The following TJP1 variants were observed in gnomAD, a reference collection of about 807,000 sequenced individuals.
The protein encoded by TJP1 is tight junction protein ZO-1.
TJP1 carries 43 observed loss-of-function variants against 194.2 expected under a neutral mutation model. That is an observed-to-expected ratio of 0.22 (90% CI 0.17 to 0.29). TJP1 has a LOEUF of 0.29. Ranked by LOEUF, TJP1 falls within the 10% of genes least tolerant of loss-of-function variation. TJP1 has a pLI of 1.00. For synonymous variants in TJP1, 801 were observed against 779.0 expected (o/e 1.03, Z -0.47); for missense variants, 1,971 against 2,185.7 (o/e 0.90, Z 1.96).
intron 2 of TJP1, among the ~76,000 whole-genome samples, chr15:29,845,311 T>G (rs1488205139): frequency 1.3e-5 from 2 of 152,100 alleles, no homozygotes; most frequent in Non-Finnish European, 2.9e-5. Flanking sequence ...CTGGGATTAA[T>G]TCAAAGATGG....
intron 2 of TJP1, among the ~76,000 whole-genome samples, chr15:29,835,826 G>A (rs2051006785): frequency 6.6e-6 from 1 of 151,796 alleles, no homozygotes; most frequent in Non-Finnish European, 1.5e-5. Flanking sequence ...CATACTTTTC[G>A]GTCACATATT....
chr15:29,964,327 C>T (rs941548382), intron 1 of TJP1, among the ~76,000 whole-genome samples: 1 of 152,060 alleles, frequency 6.6e-6, no homozygotes, highest in Non-Finnish European at 1.5e-5. Context: ...CATATGTATA[C>T]ATCATATTAT....
intron 4 of TJP1, among the ~76,000 whole-genome samples, chr15:29,769,378 C>T (rs1426620488): frequency 1.3e-5 from 2 of 152,196 alleles, no homozygotes; most frequent in Admixed American, 1.3e-4. Flanking sequence ...GAAGGACAAA[C>T]TGGCAATACA....
intron 8 of TJP1, among the ~76,000 whole-genome samples, chr15:29,749,194 T>C (rs2045068905): frequency 6.6e-6 from 1 of 151,548 alleles, no homozygotes; most frequent in African/African-American, 2.4e-5. Flanking sequence ...CTAAAGGTAA[T>C]GACCTTGTTA....
At chr15:29,919,383 A>G (rs564263918) in intron 2 of TJP1, among the ~76,000 whole-genome samples, 2 of 152,304 alleles carry the variant, frequency 1.3e-5, no homozygotes, top group South Asian at 2.1e-4. Flanking sequence ...TGATTGATTC[A>G]TGCAGTCATA....
intron 2 of TJP1, among the ~76,000 whole-genome samples, chr15:29,778,643 C>A (rs2047165119): frequency 6.6e-6 from 1 of 152,132 alleles, no homozygotes; most frequent in Non-Finnish European, 1.5e-5. Context: ...AACTTGCTTC[C>A]CAGCACCCCA....
intron 25 of TJP1, 77 bp from the exon 26 acceptor site, chr15:29,705,822 G>C: frequency 7.9e-7 from 1 of 1,258,046 alleles, no homozygotes; most frequent in Non-Finnish European, 1.1e-6. Context: ...ACTGTATTAC[G>C]TGCTTTCACT....
chr15:29,810,725 T>C (rs1460526105), intron 1 of TJP1, among the ~76,000 whole-genome samples: 1 of 152,162 alleles, frequency 6.6e-6, no homozygotes, highest in Non-Finnish European at 1.5e-5. Context: ...ACCTAGTTTC[T>C]GGGCTCTGGG....
At chr15:29,886,472 AG>A (rs11340413) in intron 2 of TJP1, among the ~76,000 whole-genome samples, 2,169 of 152,046 alleles carry the variant, frequency 0.014, 47 homozygotes, top group African/African-American at 0.05. Context: ...GGGTCCCTGT[AG>A]TCACAGTTAC....
chr15:29,921,867 G>A (rs1596262073), intron 2 of TJP1, among the ~76,000 whole-genome samples: 1 of 144,910 alleles, frequency 6.9e-6, no homozygotes, highest in South Asian at 2.2e-4. Flanking sequence ...TCTCCATGAC[G>A]GAGTTTTGCT....
chr15:29,896,701 T>C (rs889253378), intron 2 of TJP1, among the ~76,000 whole-genome samples: 1 of 152,188 alleles, frequency 6.6e-6, no homozygotes, highest in Non-Finnish European at 1.5e-5. Flanking sequence ...AGGTCCAGGC[T>C]GAAGTGGTCT....
At chr15:29,827,731 T>A (rs1418020380) in intron 2 of TJP1, among the ~76,000 whole-genome samples, 1 of 152,204 alleles carries the variant, frequency 6.6e-6, no homozygotes, top group African/African-American at 2.4e-5. Flanking sequence ...CAAGTCAGGA[T>A]GGAAACCCTG....
intron 1 of TJP1, among the ~76,000 whole-genome samples, chr15:29,812,787 A>G (rs911483651): frequency 1.3e-5 from 2 of 152,324 alleles, no homozygotes; most frequent in South Asian, 2.1e-4. Context: ...AATGCACATA[A>G]AACACTTAGC....
intron 2 of TJP1, among the ~76,000 whole-genome samples, chr15:29,873,066 T>C (rs1467113328): frequency 2.0e-5 from 3 of 152,148 alleles, no homozygotes; most frequent in South Asian, 2.1e-4. Context: ...GCAGGATGAA[T>C]GGGATTTCAC....
intron 2 of TJP1, among the ~76,000 whole-genome samples, chr15:29,890,787 T>TCTACATCTA (rs2053279251): frequency 6.9e-6 from 1 of 145,330 alleles, no homozygotes; most frequent in Admixed American, 6.9e-5. Context: ...TTTCACTACA[T>TCTACATCTA]CTACATCTAC....
chr15:29,922,060 C>T (rs1719345), intron 2 of TJP1, among the ~76,000 whole-genome samples: 1 of 151,878 alleles, frequency 6.6e-6, no homozygotes, highest in Non-Finnish European at 1.5e-5. Context: ...TTGATCAGGC[C>T]GGTCTCAAAC....
rs2152003695 is a variant in TJP1, at chr15:29,820,387, A to G, written c.27+1615T>C. 6.4e-6 allele frequency: 4 copies of G among 621,736 alleles called. No homozygotes were observed. In the South Asian group the frequency reaches 7.8e-5, roughly 12 times the overall value. 38.5% of individuals were successfully genotyped at this position (621,736 alleles called of 1,614,324 possible). On this transcript the variant is annotated intron_variant, in intron 1 of 27. Coordinates refer to ENST00000614355, the MANE Select transcript of TJP1 (RefSeq NM_001330239.4). ...GTGGCTCCATAATACAGCATCTTAA[A>G]AAAAAGCTTTCAACTTGCCCTTTAC...
At chr15:29,750,559 T>G (rs1255665081) in intron 8 of TJP1, among the ~76,000 whole-genome samples, 1 of 152,232 alleles carries the variant, frequency 6.6e-6, no homozygotes, top group Non-Finnish European at 1.5e-5. Flanking sequence ...CTGTGCTTTC[T>G]GTCTCCTGAT....
chr15:29,746,595 A>T (rs1227754461), intron 8 of TJP1, among the ~76,000 whole-genome samples: 1 of 152,136 alleles, frequency 6.6e-6, no homozygotes, highest in Non-Finnish European at 1.5e-5. Context: ...AATAGTAGCC[A>T]AGAGGAATTT....
Sources: allele counts gnomAD v4.1 joint callset (sites outside exome capture counted in the v4.1 genomes callset), GRCh38; gene constraint gnomAD v4.1.1; transcripts MANE v1.5; gene names NCBI Gene and HGNC (gene_info 2026-07-23, HGNC 2026-07-21).